TNS3: variants seen among roughly 807,000 people sequenced by gnomAD.
TNS3 encodes tensin 3.
Under a neutral mutation model 140.9 loss-of-function variants are expected in TNS3, and 45 were observed. That is an observed-to-expected ratio of 0.32 (90% CI 0.25 to 0.41). TNS3 has a LOEUF of 0.41. Among genes scored for constraint, TNS3 ranks in the 10% least tolerant of loss-of-function variants. TNS3 has a pLI of 1.00. For missense variants in TNS3, 1,716 were observed against 1,906.7 expected (o/e 0.90, Z 1.86); for synonymous variants, 815 against 788.4 (o/e 1.03, Z -0.56).
At chr7:47,520,618 G>A (rs1004462457) in intron 2 of TNS3, among the ~76,000 whole-genome samples, 2 of 152,168 alleles carry the variant, frequency 1.3e-5, no homozygotes, top group African/African-American at 2.4e-5. Context: ...GTGTGGAGGC[G>A]GCTGAGAAAG....
chr7:47,554,549 A>G (rs1800147081), intron 1 of TNS3, among the ~76,000 whole-genome samples: 1 of 152,244 alleles, frequency 6.6e-6, no homozygotes, highest in Non-Finnish European at 1.5e-5. Flanking sequence ...GTTGATTTCA[A>G]CCCTTATGAA....
chr7:47,445,693 G>A (rs1795695073), intron 4 of TNS3, among the ~76,000 whole-genome samples: 2 of 152,162 alleles, frequency 1.3e-5, no homozygotes, highest in South Asian at 4.1e-4. Flanking sequence ...CTGGAACCAA[G>A]TAGAGGACAT....
chr7:47,282,777 C>T (rs1300374582), intron 28 of TNS3, among the ~76,000 whole-genome samples: 1 of 152,134 alleles, frequency 6.6e-6, no homozygotes, highest in Non-Finnish European at 1.5e-5. Flanking sequence ...TTTTTTTCAG[C>T]AGATGAAGGG....
intron 17 of TNS3, among the ~76,000 whole-genome samples, chr7:47,355,645 A>T (rs1789951446): frequency 6.6e-6 from 1 of 152,166 alleles, no homozygotes; most frequent in Admixed American, 6.6e-5. Context: ...ATTTTGTTTA[A>T]AACACCCACA....
In TNS3 at chr7:47,368,874, C is replaced by A. The variant is rs964210463; in HGVS notation, c.1772G>T (p.Arg591Leu). The A allele has an allele frequency of 3.1e-6, 5 of 1,613,682 alleles. No individual in the cohort carries two copies. The highest frequency in any genetic ancestry group is 4.2e-6 in the Non-Finnish European group (5 of 1,179,898). Residue 591 changes from arginine (R) to leucine (L), a missense_variant, in exon 17 of 31, where the codon CGC becomes CTC. Physicochemically the swap from Arg to Leu is moderately radical, Grantham distance 102 (BLOSUM62 -2). Coordinates refer to ENST00000311160, the MANE Select transcript of TNS3 (RefSeq NM_022748.12). ...GTGAGCTACAACCATCTGCTGCTGG[C>A]GCACCCAGGTCTGTGTGGAGTAGCT... Reference protein sequence around the residue: ...QSSYSTQTWVRQQQMVVAHQY... With the variant: ...QSSYSTQTWVLQQQMVVAHQY...
intron 20 of TNS3, among the ~76,000 whole-genome samples, chr7:47,341,278 C>T (rs1451487307): frequency 2.6e-5 from 4 of 152,162 alleles, no homozygotes; most frequent in African/African-American, 7.2e-5. Context: ...ACATGATCCC[C>T]CCTCTTCTGT....
chr7:47,499,746 G>A (rs1798141564), intron 3 of TNS3, among the ~76,000 whole-genome samples: 1 of 152,148 alleles, frequency 6.6e-6, no homozygotes, highest in African/African-American at 2.4e-5. Context: ...TTCTAGGGCA[G>A]CGAAACTACT....
chr7:47,419,059 C>T (rs1306312092), intron 10 of TNS3, among the ~76,000 whole-genome samples: 1 of 152,246 alleles, frequency 6.6e-6, no homozygotes, highest in Non-Finnish European at 1.5e-5. Flanking sequence ...TGTTTCTTAA[C>T]GTTCTGCTGA....
At chr7:47,379,738 GC>G (rs1223541620) in intron 16 of TNS3, among the ~76,000 whole-genome samples, 6 of 152,076 alleles carry the variant, frequency 3.9e-5, no homozygotes, top group Non-Finnish European at 8.8e-5. Flanking sequence ...TCCTTCCCAA[GC>G]CCCCAAACCC....
chr7:47,354,719 G>A (rs1287166753), intron 17 of TNS3, among the ~76,000 whole-genome samples: 2 of 152,166 alleles, frequency 1.3e-5, no homozygotes, highest in Non-Finnish European at 2.9e-5. Context: ...TGATCTGCAG[G>A]TGATGTGCAG....
intron 1 of TNS3, among the ~76,000 whole-genome samples, chr7:47,564,653 A>AAC (rs1554357812): frequency 1.2e-4 from 16 of 136,298 alleles, no homozygotes; most frequent in African/African-American, 4.3e-4. Flanking sequence ...AAAAAAACAA[A>AAC]AAAAAACAAA....
chr7:47,461,318 C>T (rs183192079), intron 4 of TNS3, among the ~76,000 whole-genome samples: 1 of 152,242 alleles, frequency 6.6e-6, no homozygotes, highest in African/African-American at 2.4e-5. Flanking sequence ...CCAAAACCAC[C>T]TCTACAGGCT....
chr7:47,536,551 G>A (rs565467297), intron 1 of TNS3, among the ~76,000 whole-genome samples: 8 of 152,330 alleles, frequency 5.3e-5, no homozygotes, highest in African/African-American at 1.9e-4. Flanking sequence ...ACACGCGAGG[G>A]ATAGCAGGTC....
Position 47,291,999 on chromosome 7 carries a change from T to A in TNS3, c.3884A>T (p.Gln1295Leu), listed in dbSNP as rs1267173004. ...PLEEIAESSP[Q>L]TAANSAAELL... Reference sequence around the variant, plus strand: ...CTCAGCTGCTGAATTGGCTGCCGTCTGGGGAGAACTTTCTGCTATTTCCTC... The same window carrying A: ...CTCAGCTGCTGAATTGGCTGCCGTCAGGGGAGAACTTTCTGCTATTTCCTC... Residue 1295 changes from glutamine (Q) to leucine (L), a missense_variant, in exon 27 of 31, where the codon CAG (glutamine) becomes CTG (leucine). Around this residue, in one of 3 missense-constraint regions of TNS3, gnomAD observed 216 missense variants for 295.7 expected, o/e 0.73. Coordinates refer to ENST00000311160, the MANE Select transcript of TNS3 (RefSeq NM_022748.12). 6.2e-7 allele frequency: 1 copy of A among 1,614,056 alleles called. No homozygotes were observed. The highest frequency in any genetic ancestry group is 8.5e-7 in the Non-Finnish European group (1 of 1,180,022).
chr7:47,386,361 C>T (rs117744528), intron 16 of TNS3, among the ~76,000 whole-genome samples: 1,559 of 152,342 alleles, frequency 0.01, 16 homozygotes, highest in Non-Finnish European at 0.016. Context: ...TTTCCCAGCT[C>T]CTGGGGTCAA....
intron 16 of TNS3, among the ~76,000 whole-genome samples, chr7:47,388,283 A>G (rs1384602143): frequency 6.6e-6 from 1 of 152,186 alleles, no homozygotes; most frequent in Non-Finnish European, 1.5e-5. Flanking sequence ...AGGTGTGAGA[A>G]GCTTCGTGGC....
At chr7:47,335,515 T>C (rs563931619) in intron 20 of TNS3, among the ~76,000 whole-genome samples, 1 of 152,242 alleles carries the variant, frequency 6.6e-6, no homozygotes, top group Non-Finnish European at 1.5e-5. Context: ...ATTTAAAACA[T>C]GAGCACACTG....
At chr7:47,302,355 C>A in intron 22 of TNS3, 83 bp from the exon 23 acceptor site, 1 of 1,162,492 alleles carries the variant, frequency 8.6e-7, no homozygotes, top group South Asian at 1.3e-5. Context: ...CCCAGAAGTC[C>A]AAATCCCATG....
chr7:47,369,903 G>C (rs973614108), intron 16 of TNS3, among the ~76,000 whole-genome samples: 2 of 152,144 alleles, frequency 1.3e-5, no homozygotes, highest in South Asian at 4.1e-4. Flanking sequence ...TTCACCTTTT[G>C]AATCATCTTG....
Sources: gnomAD v4.1 joint callset for allele counts (sites outside exome capture counted in the v4.1 genomes callset) on GRCh38, gnomAD v4.1.1 for gene constraint, gnomAD v4.1.1 regional missense constraint, MANE v1.5 for transcripts, NCBI Gene and HGNC (gene_info 2026-07-23, HGNC 2026-07-21) for gene names.